Variants in MIER3 observed in about 807,000 individuals in gnomAD.
MIER3 encodes MIER family member 3.
Under a neutral mutation model 63.2 loss-of-function variants are expected in MIER3, and 9 were observed. The ratio of observed to expected loss-of-function variants is 0.14; its 90% CI spans 0.09 to 0.25. The LOEUF (loss-of-function observed/expected upper bound fraction) is 0.25. Among genes scored for constraint, MIER3 ranks in the 10% least tolerant of loss-of-function variants. The pLI, the probability that MIER3 is intolerant of heterozygous loss-of-function variation, is 1.00. For synonymous variants in MIER3, 205 were observed against 224.9 expected, an observed-to-expected ratio of 0.91 and a Z score of 0.79; for missense variants, 512 against 666.2, an observed-to-expected ratio of 0.77 and a Z score of 2.55.
At chr5:56,935,945 G>C (rs1750428015) in intron 5 of MIER3, among the ~76,000 whole-genome samples, 194 bp from the exon 6 acceptor site, 1 of 152,054 alleles carries the variant, frequency 6.6e-6, no homozygotes, top group Non-Finnish European at 1.5e-5. Flanking sequence ...TAGTATCCTG[G>C]CCGGTGCAGT....
intron 1 of MIER3, 27 bp from the exon 2 acceptor site, chr5:56,950,679 G>C: frequency 6.2e-7 from 1 of 1,612,542 alleles, no homozygotes; most frequent in Non-Finnish European, 8.5e-7. Context: ...AAAACGTGAG[G>C]TTAGATCGCA....
intron 7 of MIER3, 124 bp from the exon 8 acceptor site, chr5:56,933,522 A>G (rs1284968613): frequency 8.2e-6 from 7 of 848,570 alleles, no homozygotes; most frequent in South Asian, 6.9e-5. Flanking sequence ...TGAAGACACC[A>G]GTAATCCGAT....
chr5:56,927,979 T>C (rs1013237438), intron 10 of MIER3: 9 of 152,198 alleles, frequency 5.9e-5, no homozygotes, highest in African/African-American at 1.9e-4. Flanking sequence ...ATAGAGTCTT[T>C]TCAGATTGGC....
At chr5:56,931,201 G>C (rs111267659) in intron 8 of MIER3, among the ~76,000 whole-genome samples, 1,632 of 152,188 alleles carry the variant, frequency 0.011, 34 homozygotes, top group African/African-American at 0.036. Context: ...GGATTATAAC[G>C]GTCTCCGTTA....
In MIER3 at chr5:56,930,719, G is replaced by A. The variant is rs1750233669; in HGVS notation, c.774C>T (p.Asn258=). The change falls in exon 9 of 13, where the codon AAC becomes AAT. Residue 258 remains asparagine (N), a synonymous_variant. Coordinates refer to ENST00000381199, the MANE Select transcript of MIER3 (RefSeq NM_001297599.2). ...TTTCGATTGCTTCCTTTATATTGTGGTTACACTTGAGAAGTTCATATAATG... is the reference window on the plus strand; with the variant it reads ...TTTCGATTGCTTCCTTTATATTGTGATTACACTTGAGAAGTTCATATAATG... ...EQALYELLKC[N]HNIKEAIERY... 1 of 1,613,614 alleles carries A rather than the reference G, an allele frequency of 6.2e-7. No homozygotes were observed.
At chr5:56,944,985 C>T (rs1193970074) in intron 3 of MIER3, among the ~76,000 whole-genome samples, 1 of 152,204 alleles carries the variant, frequency 6.6e-6, no homozygotes, top group African/African-American at 2.4e-5. Flanking sequence ...GTCTGAGCCA[C>T]TGCCCCCAGC....
chr5:56,943,984 TA>T (rs1373739918), intron 3 of MIER3, among the ~76,000 whole-genome samples: 2 of 152,168 alleles, frequency 1.3e-5, no homozygotes, highest in East Asian at 3.9e-4. Flanking sequence ...GAACCAGATT[TA>T]GGGCAAAAGA....
At position 56,923,965 on chromosome 5, in the gene MIER3, A is replaced by G. The variant is rs202247682; in HGVS notation, c.1002T>C (p.Ala334=). 19 of 1,614,130 alleles carry G rather than the reference A, an allele frequency of 1.2e-5. No individual in the cohort carries two copies. The highest frequency in any genetic ancestry group is 1.7e-5 in the Admixed American group (1 of 60,006). The part of the protein sequence containing the change: ...WKKSERYDYF[A]QQTRFGKKRY... ...TTTTTTTCCCAAATCTTGTCTGTTG[A>G]GCAAAGTAATCATAACGTTCAGATT... The change falls in exon 11 of 13, where the codon GCT becomes GCC. Residue 334 remains alanine (A), a synonymous_variant. Coordinates refer to ENST00000381199, the MANE Select transcript of MIER3 (RefSeq NM_001297599.2).
chr5:56,930,292 T>C (rs1750213420), intron 9 of MIER3, among the ~76,000 whole-genome samples: 1 of 152,136 alleles, frequency 6.6e-6, no homozygotes, highest in Non-Finnish European at 1.5e-5. Flanking sequence ...ATGTTTCTTT[T>C]TTAATCTTTA....
chr5:56,935,557 G>T, intron 6 of MIER3, 57 bp from the exon 7 acceptor site: 2 of 1,472,794 alleles, frequency 1.4e-6, no homozygotes, highest in Non-Finnish European at 1.8e-6. Flanking sequence ...CTGAAAAAAA[G>T]CCCCATATCA....
intron 3 of MIER3, among the ~76,000 whole-genome samples, chr5:56,944,835 C>T (rs1238015954): frequency 6.6e-6 from 1 of 152,036 alleles, no homozygotes; most frequent in Non-Finnish European, 1.5e-5. Flanking sequence ...GCTGGGGCTA[C>T]TAGCATGCAC....
At chr5:56,949,368 CTAAT>C (rs1750938938) in intron 2 of MIER3, among the ~76,000 whole-genome samples, 1 of 152,094 alleles carries the variant, frequency 6.6e-6, no homozygotes, top group Non-Finnish European at 1.5e-5. Context: ...CAAAAAGAGG[CTAAT>C]TGATTAAAAA....
chr5:56,950,099 C>A (rs763210607), intron 2 of MIER3, among the ~76,000 whole-genome samples: 1 of 152,168 alleles, frequency 6.6e-6, no homozygotes, highest in Non-Finnish European at 1.5e-5. Context: ...CAAAATCACC[C>A]TTTTTCTGTG....
At chr5:56,947,745 T>C (rs957619738) in intron 2 of MIER3, among the ~76,000 whole-genome samples, 3 of 152,262 alleles carry the variant, frequency 2.0e-5, no homozygotes, top group African/African-American at 4.8e-5. Context: ...CTTAGGATTA[T>C]GTGTAGGGAA....
chr5:56,932,386 G>C (rs761838602), intron 8 of MIER3, among the ~76,000 whole-genome samples: 3 of 152,170 alleles, frequency 2.0e-5, no homozygotes, highest in Non-Finnish European at 4.4e-5. Flanking sequence ...AAAAACATTT[G>C]AGTTTCTAAT....
In MIER3 at chr5:56,922,911, T is replaced by C. The variant is rs1397591173; in HGVS notation, c.*217A>G. On this transcript the variant is annotated 3_prime_UTR_variant, in exon 13 of 13. Transcript: ENST00000381199. ...CTTAAAGCTGCACCACAGAGTTCAA[T>C]CTTAGTTCCCAACTCTGCTGATCAT... 1 of 546,908 alleles carries C rather than the reference T, an allele frequency of 1.8e-6. No individual in the cohort carries two copies. The highest frequency in any genetic ancestry group is 3.3e-6 in the Non-Finnish European group (1 of 305,874). The allele number at this position is 546,908 out of a possible 1,614,324, so 33.9% of individuals were successfully genotyped here.
Position 56,923,772 on chromosome 5 carries a change from C to A in MIER3, c.1114G>T (p.Ala372Ser), listed in dbSNP as rs769658455. Residue 372 changes from alanine (A) to serine (S), a missense_variant, in exon 12 of 13, where the codon GCC (alanine) becomes TCC (serine). This residue lies in a region of MIER3 where 218 missense variants were observed against 251.2 expected (regional missense o/e 0.87). Transcript: ENST00000381199. ...GGCTCAGGCCGGTTAGAAGTTAAGG[C>A]TGAAGCATTTACCGTCCCACCCAAA... ...EALGGTVNAS[A>S]LTSNRPEPIP... The A allele has an allele frequency of 3.1e-6, 5 of 1,614,164 alleles. No homozygotes were observed. In the South Asian group the frequency reaches 5.5e-5, roughly 18 times the overall value.
At chr5:56,948,675 C>CA (rs1393875528) in intron 2 of MIER3, among the ~76,000 whole-genome samples, 2 of 151,850 alleles carry the variant, frequency 1.3e-5, no homozygotes, top group Non-Finnish European at 2.9e-5. Flanking sequence ...TCTCAAAAAA[C>CA]AAAAAAACAA....
At chr5:56,931,160 C>A in intron 8 of MIER3, among the ~76,000 whole-genome samples, 1 of 152,172 alleles carries the variant, frequency 6.6e-6, no homozygotes, top group East Asian at 1.9e-4. Context: ...CAGCAGCAGG[C>A]CTGGAATAAT....
Sources: allele counts gnomAD v4.1 joint callset (sites outside exome capture counted in the v4.1 genomes callset), GRCh38; gene constraint gnomAD v4.1.1; regional missense constraint gnomAD v4.1.1; transcripts MANE v1.5; gene names NCBI Gene and HGNC (gene_info 2026-07-23, HGNC 2026-07-21).